RARB: variants seen among roughly 807,000 people sequenced by gnomAD.
RARB encodes retinoic acid receptor beta, also known as HBV-activated protein.
Under a neutral mutation model 51.9 loss-of-function variants are expected in RARB, and 17 were observed. The ratio of observed to expected loss-of-function variants is 0.33; its 90% CI spans 0.22 to 0.49. The LOEUF is 0.49. Among genes scored for constraint, RARB ranks in the 20% least tolerant of loss-of-function variants. The pLI is 0.99. For synonymous variants in RARB, 215 were observed against 195.4 expected (o/e 1.10, Z -0.84); for missense variants, 369 against 550.8 (o/e 0.67, Z 3.30).
chr3:25,439,486 G>A (rs907656299), intron 1 of RARB, among the ~76,000 whole-genome samples: 1 of 152,028 alleles, frequency 6.6e-6, no homozygotes, highest in African/African-American at 2.4e-5. Flanking sequence ...GCTCACTGCA[G>A]CCTCAACCTG....
At chr3:25,438,943 T>C (rs911562352) in intron 1 of RARB, among the ~76,000 whole-genome samples, 1 of 152,230 alleles carries the variant, frequency 6.6e-6, no homozygotes, top group African/African-American at 2.4e-5. Flanking sequence ...ATTTTACTCT[T>C]TTGCCCTTTT....
chr3:25,552,199 C>A (rs971921553), intron 3 of RARB, among the ~76,000 whole-genome samples: 1 of 152,096 alleles, frequency 6.6e-6, no homozygotes, highest in Non-Finnish European at 1.5e-5. Context: ...AGCTGACCAA[C>A]CATTGTGCAA....
chr3:25,312,139 T>A (rs1204114256), intron 5 of RARB, among the ~76,000 whole-genome samples: 7 of 152,148 alleles, frequency 4.6e-5, no homozygotes, highest in Non-Finnish European at 1.0e-4. Flanking sequence ...ATGCCAAGGA[T>A]GATGGGGGTA....
At position 25,267,131 on chromosome 3, in the gene RARB, G is replaced by A. The variant is rs756822241; in HGVS notation, c.178+92556G>A. ...GTGATCTGATACAACAGAGGCCTTA[G>A]CTAGCTACAGCAGATTGTACCGAGT... On this transcript the variant is annotated intron_variant, in intron 5 of 11. Transcript: ENST00000383772. Among the ~76,000 whole-genome samples the A allele has an allele frequency of 3.3e-5, 5 of 152,316 alleles. No homozygotes were observed. The East Asian group carries it at 5.8e-4, about 18-fold the overall frequency.
At chr3:25,142,412 C>T (rs1203632958) in intron 4 of RARB, among the ~76,000 whole-genome samples, 3 of 152,100 alleles carry the variant, frequency 2.0e-5, no homozygotes, top group Non-Finnish European at 2.9e-5. Flanking sequence ...TAACAAGACC[C>T]CCAAGTGGCT....
intron 2 of RARB, among the ~76,000 whole-genome samples, chr3:25,500,454 G>GTTT (rs753321842): frequency 1.5e-5 from 1 of 66,142 alleles, no homozygotes; most frequent in Admixed American, 2.0e-4. Context: ...TTCTTTTCTT[G>GTTT]TTTTTTTTTT....
chr3:25,312,541 A>G (rs917486766), intron 5 of RARB, among the ~76,000 whole-genome samples: 1 of 152,198 alleles, frequency 6.6e-6, no homozygotes, highest in Non-Finnish European at 1.5e-5. Flanking sequence ...GGTTAATTGA[A>G]AAGAAGAGGT....
At chr3:25,137,811 C>G (rs1700054722) in intron 4 of RARB, among the ~76,000 whole-genome samples, 1 of 152,090 alleles carries the variant, frequency 6.6e-6, no homozygotes, top group Non-Finnish European at 1.5e-5. Context: ...CTTCTAATTC[C>G]CAATCACCCT....
chr3:25,466,923 C>T (rs1462103546), intron 2 of RARB, among the ~76,000 whole-genome samples: 2 of 152,230 alleles, frequency 1.3e-5, no homozygotes, highest in Non-Finnish European at 2.9e-5. Flanking sequence ...ACTTCTAAAA[C>T]TCAGAAGCTG....
At chr3:25,135,876 G>A (rs1356298564) in intron 4 of RARB, among the ~76,000 whole-genome samples, 1 of 151,842 alleles carries the variant, frequency 6.6e-6, no homozygotes, top group Non-Finnish European at 1.5e-5. Context: ...ATCATGAACA[G>A]TATTCATAAT....
intron 3 of RARB, among the ~76,000 whole-genome samples, chr3:25,563,264 C>A (rs1405669219): frequency 6.6e-6 from 1 of 152,142 alleles, no homozygotes; most frequent in Non-Finnish European, 1.5e-5. Context: ...ATTTTACAAA[C>A]CCTGAAATCA....
At chr3:25,262,336 G>A (rs924466796) in intron 5 of RARB, among the ~76,000 whole-genome samples, 6 of 152,064 alleles carry the variant, frequency 3.9e-5, no homozygotes, top group Non-Finnish European at 8.8e-5. Flanking sequence ...TTTTTCACCT[G>A]CAAGTTAGGC....
At chr3:25,533,869 C>A (rs1699026169) in intron 3 of RARB, among the ~76,000 whole-genome samples, 1 of 152,214 alleles carries the variant, frequency 6.6e-6, no homozygotes, top group South Asian at 2.1e-4. Context: ...TACTTCCTAA[C>A]ACTTCAATGC....
intron 3 of RARB, among the ~76,000 whole-genome samples, chr3:25,095,163 A>C (rs535145970): frequency 1.3e-5 from 2 of 152,192 alleles, no homozygotes; most frequent in Non-Finnish European, 1.5e-5. Flanking sequence ...AGCTTTAAAA[A>C]TTACAGATGC....
At chr3:24,906,844 CAAAAAAAAAA>C (rs397875286) in intron 2 of RARB, among the ~76,000 whole-genome samples, 1 of 76,040 alleles carries the variant, frequency 1.3e-5, no homozygotes, top group Non-Finnish European at 2.6e-5. Context: ...GATTCCGTCT[CAAAAAAAAAA>C]AAAAAAAAAA....
intron 2 of RARB, among the ~76,000 whole-genome samples, chr3:25,461,623 G>C (rs1695188025): frequency 6.6e-6 from 1 of 152,152 alleles, no homozygotes; most frequent in African/African-American, 2.4e-5. Context: ...GGCCAGGTGT[G>C]ATGGCTCACG....
At chr3:24,885,202 T>C (rs188767642) in intron 2 of RARB, among the ~76,000 whole-genome samples, 111 of 152,242 alleles carry the variant, frequency 7.3e-4, no homozygotes, top group African/African-American at 2.3e-3. Context: ...TGGCCTTAAA[T>C]GTTCAAGTAG....
At position 24,967,665 on chromosome 3, in the gene RARB, G is replaced by T. The variant is rs191644423; in HGVS notation, c.-379-92460G>T. On this transcript the variant is annotated intron_variant, in intron 2 of 11. Coordinates refer to the RARB transcript ENST00000383772. ...GTAATTAAGAAGGCATTCACAGTTTGCTTTATAGCACTATCAAAGTTTCCA... is the reference window on the plus strand; with the variant it reads ...GTAATTAAGAAGGCATTCACAGTTTTCTTTATAGCACTATCAAAGTTTCCA... Among the ~76,000 whole-genome samples the T allele has an allele frequency of 1.4e-3, 206 of 152,118 alleles. 2 individuals carry two copies. The highest frequency in any genetic ancestry group is 2.3e-3 in the South Asian group (11 of 4,814).
chr3:25,057,073 A>G (rs1698455733), intron 2 of RARB, among the ~76,000 whole-genome samples: 1 of 152,096 alleles, frequency 6.6e-6, no homozygotes. Context: ...ATCCATAATC[A>G]GGTAGATAAC....
Sources: gnomAD v4.1 joint callset for allele counts (sites outside exome capture counted in the v4.1 genomes callset) on GRCh38, gnomAD v4.1.1 for gene constraint, MANE v1.5 for transcripts, NCBI Gene and HGNC (gene_info 2026-07-23, HGNC 2026-07-21) for gene names.